Variants in KANK1 observed in about 807,000 individuals in gnomAD.
KANK1 encodes KN motif and ankyrin repeat domain-containing protein 1.
KANK1 carries 109 observed loss-of-function variants against 106.2 expected under a neutral mutation model. That is an observed-to-expected ratio of 1.03 (90% CI 0.88 to 1.20). The LOEUF (loss-of-function observed/expected upper bound fraction) is 1.20. KANK1 is among the 50% of genes most tolerant of loss of function. KANK1 has a pLI of 0.00. For synonymous variants in KANK1, 873 were observed against 652.2 expected (o/e 1.34, Z -5.16); for missense variants, 2,399 against 1,710.7 (o/e 1.40, Z -7.10).
In KANK1 at chr9:691,625, T is replaced by C. The variant is rs937739056; in HGVS notation, c.37+14616T>C. Among the ~76,000 whole-genome samples the C allele has an allele frequency of 1.3e-3, 190 of 146,594 alleles. 3 individuals are homozygous for C. Among genetic ancestry groups the C allele is most frequent in the African/African-American group, 4.5e-3 (181 of 39,998 alleles). ...ATAATACCAGAATTTTTTTTTTTTT[T>C]TTTTTGAGACCAGAGTCTCACTCTG... On this transcript the variant is annotated intron_variant, in intron 2 of 11. Coordinates refer to ENST00000382297, the MANE Select transcript of KANK1 (RefSeq NM_015158.5).
At chr9:744,951 C>CT (rs1836807027) in intron 11 of KANK1, 1 of 1,451,696 alleles carries the variant, frequency 6.9e-7, no homozygotes. Flanking sequence ...ACAGTTCACT[C>CT]TGAGTGGGAA....
At chr9:735,796 C>G (rs558766975) in intron 7 of KANK1, 10 of 388,242 alleles carry the variant, frequency 2.6e-5, no homozygotes, top group African/African-American at 1.6e-4. Context: ...GAGTTCGAGA[C>G]GAGCTTAGCC....
chr9:589,917 G>A (rs566359879), intron 1 of KANK1, among the ~76,000 whole-genome samples: 6 of 152,234 alleles, frequency 3.9e-5, no homozygotes, highest in East Asian at 1.9e-4. Flanking sequence ...GCTCCAAGTC[G>A]ACAGATTCTG....
intron 3 of KANK1, among the ~76,000 whole-genome samples, chr9:724,236 A>G (rs1830103384): frequency 6.6e-6 from 1 of 152,194 alleles, no homozygotes; most frequent in African/African-American, 2.4e-5. Context: ...ATATACTGAA[A>G]TATTTATGGA....
At chr9:666,890 C>A (rs1160122569) in intron 1 of KANK1, among the ~76,000 whole-genome samples, 2 of 132,868 alleles carry the variant, frequency 1.5e-5, no homozygotes, top group Non-Finnish European at 3.2e-5. Context: ...GTGAAATTAG[C>A]CTATTGTTGT....
intron 1 of KANK1, among the ~76,000 whole-genome samples, chr9:655,470 A>C (rs1841941116): frequency 6.6e-6 from 1 of 151,372 alleles, no homozygotes; most frequent in Admixed American, 6.6e-5. Flanking sequence ...TGATGAGGAA[A>C]AATAAAGGTT....
chr9:605,276 G>C (rs868282624), intron 1 of KANK1, among the ~76,000 whole-genome samples: 1 of 146,528 alleles, frequency 6.8e-6, no homozygotes, highest in African/African-American at 2.6e-5. Context: ...ACTCCAGCCT[G>C]GGCAACAAAG....
chr9:512,366 G>C (rs1587381154), intron 1 of KANK1, among the ~76,000 whole-genome samples: 1 of 152,046 alleles, frequency 6.6e-6, no homozygotes, highest in Non-Finnish European at 1.5e-5. Flanking sequence ...GGAGAGTCTA[G>C]AAGAAGACTG....
At chr9:641,200 G>A (rs994299419) in intron 1 of KANK1, among the ~76,000 whole-genome samples, 3 of 152,138 alleles carry the variant, frequency 2.0e-5, no homozygotes, top group African/African-American at 7.2e-5. Context: ...TAAGAAACTG[G>A]GTTCTCCCAT....
At chr9:684,517 C>A (rs1352137984) in intron 2 of KANK1, 1 of 985,294 alleles carries the variant, frequency 1.0e-6, no homozygotes, top group Non-Finnish European at 1.2e-6. Flanking sequence ...TTAAAACAGC[C>A]CTTCCTACAA....
chr9:726,245 G>C (rs1021034754), intron 3 of KANK1, among the ~76,000 whole-genome samples: 1 of 152,066 alleles, frequency 6.6e-6, no homozygotes, highest in Non-Finnish European at 1.5e-5. Context: ...TTCTTCTCTT[G>C]GTGGGAATGG....
chr9:652,357 C>T (rs992194761), intron 1 of KANK1, among the ~76,000 whole-genome samples: 1 of 152,018 alleles, frequency 6.6e-6, no homozygotes, highest in Admixed American at 6.6e-5. Flanking sequence ...CCCGTATCTA[C>T]TAAAAATACA....
intron 1 of KANK1, among the ~76,000 whole-genome samples, chr9:506,148 C>G (rs1302602481): frequency 6.6e-6 from 1 of 152,162 alleles, no homozygotes; most frequent in South Asian, 2.1e-4. Context: ...ACCCCTATAC[C>G]GATTAGCAGT....
At chr9:697,763 C>G (rs1013531276) in intron 2 of KANK1, among the ~76,000 whole-genome samples, 4 of 152,124 alleles carry the variant, frequency 2.6e-5, no homozygotes, top group Admixed American at 1.3e-4. Flanking sequence ...TTTTCATGCT[C>G]AAATTATCCT....
upstream of KANK1, among the ~76,000 whole-genome samples, chr9:503,345 T>C (rs937856267): frequency 7.2e-5 from 11 of 152,180 alleles, no homozygotes; most frequent in African/African-American, 2.4e-4. Flanking sequence ...GTTTGCTTAC[T>C]GCCACCCAGT....
At chr9:728,355 G>A (rs1831304493) in intron 3 of KANK1, among the ~76,000 whole-genome samples, 1 of 152,078 alleles carries the variant, frequency 6.6e-6, no homozygotes, top group South Asian at 2.1e-4. Context: ...CCCCCACCAT[G>A]CGTGGCTAAT....
chr9:475,668 C>CA (rs1017152010), intron 3 of KANK1, among the ~76,000 whole-genome samples: 4 of 152,044 alleles, frequency 2.6e-5, no homozygotes, highest in Admixed American at 6.5e-5. Flanking sequence ...TATTACATGA[C>CA]AAAATCAAAA....
chr9:653,488 A>G lies in KANK1; in HGVS notation c.-83-23402A>G, dbSNP rs1034823390. On this transcript the variant is annotated intron_variant, in intron 1 of 11. Transcript: ENST00000382297. ...TTCAGATCTGCATTCAGTGAGATAC[A>G]TGGAAATTCAGAGGTTATTGACTTT... is the stretch of plus-strand genomic sequence containing the variant. Among the ~76,000 whole-genome samples the G allele has an allele frequency of 2.7e-5, 4 of 145,680 alleles. No individual in the cohort carries two copies. In the East Asian group the frequency reaches 8.8e-4, roughly 32 times the overall value.
intron 3 of KANK1, among the ~76,000 whole-genome samples, chr9:721,296 A>T (rs548602818): frequency 2.0e-5 from 3 of 152,310 alleles, no homozygotes; most frequent in South Asian, 4.1e-4. Flanking sequence ...GGAAAAGAGG[A>T]AGTCACCTAA....
Sources: allele counts gnomAD v4.1 joint callset (sites outside exome capture counted in the v4.1 genomes callset), GRCh38; gene constraint gnomAD v4.1.1; transcripts MANE v1.5; gene names NCBI Gene and HGNC (gene_info 2026-07-23, HGNC 2026-07-21).